SNTB2: variants seen among roughly 807,000 people sequenced by gnomAD.
SNTB2 encodes beta-2-syntrophin.
A neutral mutation model predicts 46.2 loss-of-function variants in SNTB2; 34 were observed. That is an observed-to-expected ratio of 0.74 (90% CI 0.56 to 0.98). The LOEUF (loss-of-function observed/expected upper bound fraction) is 0.98, where lower values mean the gene tolerates loss of function less well. SNTB2 is among the 50% of genes least tolerant of loss of function. SNTB2 has a pLI of 0.00. For missense variants in SNTB2, 603 were observed against 731.4 expected, an observed-to-expected ratio of 0.82 and a Z score of 2.02; for synonymous variants, 290 against 312.6, an observed-to-expected ratio of 0.93 and a Z score of 0.76.
intron 4 of SNTB2, among the ~76,000 whole-genome samples, chr16:69,276,983 G>C (rs1287287325): frequency 6.6e-6 from 1 of 152,162 alleles, no homozygotes; most frequent in Non-Finnish European, 1.5e-5. Flanking sequence ...GATGAAATGG[G>C]AAGTACTCAT....
intron 3 of SNTB2, among the ~76,000 whole-genome samples, chr16:69,265,695 C>T (rs1964877359): frequency 1.3e-5 from 2 of 151,658 alleles, no homozygotes; most frequent in Admixed American, 6.6e-5. Flanking sequence ...GACGTGGTGG[C>T]GGGCACCTGT....
chr16:69,237,689 G>A (rs545897026), intron 1 of SNTB2, among the ~76,000 whole-genome samples: 53 of 141,774 alleles, frequency 3.7e-4, no homozygotes, highest in South Asian at 1.1e-3. Context: ...TGCAACCTCC[G>A]CCTCCCCGGT....
intron 1 of SNTB2, among the ~76,000 whole-genome samples, chr16:69,210,714 C>T (rs1043641393): frequency 1.1e-4 from 16 of 151,986 alleles, no homozygotes; most frequent in Admixed American, 9.2e-4. Flanking sequence ...TTTTGTAGGC[C>T]GGGTACAGCG....
chr16:69,208,991 T>TGTGTGTGTGTG (rs1567397568), intron 1 of SNTB2, among the ~76,000 whole-genome samples: 1 of 150,850 alleles, frequency 6.6e-6, no homozygotes, highest in African/African-American at 2.5e-5. Context: ...TGTGTGTGTG[T>TGTGTGTGTGTG]TTTTGAGATG....
At chr16:69,279,584 G>A (rs1228867430) in intron 4 of SNTB2, among the ~76,000 whole-genome samples, 1 of 134,464 alleles carries the variant, frequency 7.4e-6, no homozygotes, top group Non-Finnish European at 1.5e-5. Context: ...GGAGTGCAGT[G>A]GCACGATATG....
chr16:69,201,255 T>G (rs1206036560), intron 1 of SNTB2, among the ~76,000 whole-genome samples: 1 of 152,214 alleles, frequency 6.6e-6, no homozygotes, highest in Non-Finnish European at 1.5e-5. Flanking sequence ...ATTGAAATAG[T>G]ATTAATGTCA....
intron 2 of SNTB2, among the ~76,000 whole-genome samples, chr16:69,252,628 T>C (rs1462769660): frequency 6.6e-6 from 1 of 152,230 alleles, no homozygotes; most frequent in Non-Finnish European, 1.5e-5. Flanking sequence ...TCAAAGGCTT[T>C]GCTAAACAGG....
At chr16:69,235,808 GTTTC>G in intron 1 of SNTB2, 1 of 1,289,300 alleles carries the variant, frequency 7.8e-7, no homozygotes, top group Admixed American at 2.3e-5. Context: ...GCTGTACTAA[GTTTC>G]TTCAAATATC....
intron 3 of SNTB2, among the ~76,000 whole-genome samples, chr16:69,266,017 T>C (rs1245343482): frequency 6.6e-6 from 1 of 151,752 alleles, no homozygotes; most frequent in Non-Finnish European, 1.5e-5. Context: ...AAAAAACACA[T>C]ACTATATAGA....
At chr16:69,188,852 C>A (rs1964020745) in intron 1 of SNTB2, among the ~76,000 whole-genome samples, 1 of 152,124 alleles carries the variant, frequency 6.6e-6, no homozygotes, top group Admixed American at 6.6e-5. Flanking sequence ...CAAAGGAATG[C>A]AAAGTTAGAA....
chr16:69,203,531 G>A (rs2152290411), intron 1 of SNTB2, among the ~76,000 whole-genome samples: 1 of 151,788 alleles, frequency 6.6e-6, no homozygotes, highest in South Asian at 2.1e-4. Flanking sequence ...GCAGAGACAG[G>A]ATATTGCTCT....
At chr16:69,251,646 C>T (rs1178043096) in intron 2 of SNTB2, among the ~76,000 whole-genome samples, 1 of 151,548 alleles carries the variant, frequency 6.6e-6, no homozygotes, top group African/African-American at 2.4e-5. Context: ...GGCGTGGTGG[C>T]TCATGCCTGT....
At position 69,297,794 on chromosome 16, in the gene SNTB2, A is replaced by G. The variant is rs146011400; in HGVS notation, c.1346-1796A>G. 4.3e-3 allele frequency among the ~76,000 whole-genome samples: 661 copies of G among 152,028 alleles called. 4 individuals carry two copies. Among genetic ancestry groups the G allele is most frequent in the African/African-American group, 0.015 (635 of 41,464 alleles). On this transcript the variant is annotated intron_variant, in intron 5 of 6. Coordinates refer to ENST00000336278, the MANE Select transcript of SNTB2 (RefSeq NM_006750.4). ...CCGGGCGTGGTGGTGTACATCTGTA[A>G]TCCCAGCTACTCAGCAGGCTGAGGC...
intron 1 of SNTB2, among the ~76,000 whole-genome samples, chr16:69,224,872 TAAAAC>T (rs889541578): frequency 1.3e-5 from 2 of 152,236 alleles, no homozygotes; most frequent in Non-Finnish European, 2.9e-5. Context: ...AGAAAATTAA[TAAAAC>T]AAATTATCAG....
intron 4 of SNTB2, among the ~76,000 whole-genome samples, chr16:69,278,679 C>T (rs1238211402): frequency 5.3e-5 from 8 of 152,224 alleles, no homozygotes; most frequent in African/African-American, 1.7e-4. Context: ...TGGTCTCAAA[C>T]TCCTGACCTC....
At chr16:69,217,112 C>T (rs750184180) in intron 1 of SNTB2, among the ~76,000 whole-genome samples, 7 of 152,174 alleles carry the variant, frequency 4.6e-5, no homozygotes, top group Middle Eastern at 3.4e-3. Context: ...CTTTACAGTA[C>T]GTTAACGGTA....
chr16:69,297,180 G>T (rs1314132929), intron 5 of SNTB2, among the ~76,000 whole-genome samples: 1 of 150,654 alleles, frequency 6.6e-6, no homozygotes, highest in Non-Finnish European at 1.5e-5. Flanking sequence ...GGTGGTGCCC[G>T]CCTGTAATCC....
intron 1 of SNTB2, among the ~76,000 whole-genome samples, chr16:69,208,297 T>G (rs1006016772): frequency 6.6e-6 from 1 of 151,120 alleles, no homozygotes; most frequent in Non-Finnish European, 1.5e-5. Flanking sequence ...TCCCAGCTAC[T>G]AGGGAGGCCG....
intron 1 of SNTB2, among the ~76,000 whole-genome samples, chr16:69,218,245 C>A (rs1431660342): frequency 6.6e-6 from 1 of 152,110 alleles, no homozygotes; most frequent in Non-Finnish European, 1.5e-5. Flanking sequence ...CACATATTGG[C>A]TGTCAGTTGC....
Sources: gnomAD v4.1 joint callset for allele counts (sites outside exome capture counted in the v4.1 genomes callset) on GRCh38, gnomAD v4.1.1 for gene constraint, MANE v1.5 for transcripts, NCBI Gene and HGNC (gene_info 2026-07-23, HGNC 2026-07-21) for gene names.